Variants in INSL6 observed in about 807,000 individuals in gnomAD.
INSL6 encodes insulin like 6.
Under a neutral mutation model 9.4 loss-of-function variants are expected in INSL6, and 16 were observed. That is an observed-to-expected ratio of 1.70 (90% confidence interval 1.15 to 2.59). The LOEUF (loss-of-function observed/expected upper bound fraction) is 2.59. Ranked by LOEUF, INSL6 falls within the 30% of genes most tolerant of loss-of-function variation. The pLI, the probability that INSL6 is intolerant of heterozygous loss-of-function variation, is 0.00. For missense variants in INSL6, 391 were observed against 257.3 expected (o/e 1.52, Z -3.56); for synonymous variants, 154 against 96.9 (o/e 1.59, Z -3.46).
chr9:5,102,324 G>C, the INSL6 span, among the ~76,000 whole-genome samples: 1 of 152,146 alleles, frequency 6.6e-6, no homozygotes, highest in Non-Finnish European at 1.5e-5. Context: ...AATAAAGCGA[G>C]AGGAGAAGTT....
chr9:5,032,426 C>A, the INSL6 span, among the ~76,000 whole-genome samples: 3 of 152,222 alleles, frequency 2.0e-5, no homozygotes, highest in Non-Finnish European at 2.9e-5. Flanking sequence ...AGCTGGAGAT[C>A]TGAGAACGGA....
chr9:5,153,228 G>A (rs1824746670), intron 2 of INSL6, among the ~76,000 whole-genome samples: 1 of 152,106 alleles, frequency 6.6e-6, no homozygotes, highest in East Asian at 1.9e-4. Flanking sequence ...TGAAGCCAGG[G>A]AGCCAAGTAG....
At chr9:5,101,083 C>T in the INSL6 span, 16 of 152,240 alleles carry the variant, frequency 1.1e-4, no homozygotes, top group African/African-American at 3.6e-4. Flanking sequence ...GGGGCATCAC[C>T]TCACCCAGGA....
chr9:5,080,892 C>CTT, the INSL6 span, among the ~76,000 whole-genome samples: 138 of 95,590 alleles, frequency 1.4e-3, no homozygotes, highest in Non-Finnish European at 2.2e-3. Context: ...AAGACCTTTT[C>CTT]TTTTTTTTTT....
the INSL6 span, among the ~76,000 whole-genome samples, chr9:5,116,201 A>C: frequency 4.6e-5 from 7 of 152,176 alleles, no homozygotes; most frequent in Non-Finnish European, 7.3e-5. Flanking sequence ...GGAGAACTGA[A>C]TAGCTTACCC....
chr9:5,124,586 G>C (rs992310722), intron 3 of INSL6, among the ~76,000 whole-genome samples: 1 of 151,830 alleles, frequency 6.6e-6, no homozygotes, highest in Admixed American at 6.6e-5. Context: ...ACCAAAAAGA[G>C]CCCTAATAGC....
chr9:5,005,083 ATTTTTTTTTTTTTTTTTTTTTTTTTT>A, the INSL6 span, among the ~76,000 whole-genome samples: 64 of 40,032 alleles, frequency 1.6e-3, 1 homozygote, highest in East Asian at 0.013. Flanking sequence ...TGCCTGGCTA[ATTTTTTTTTTTTTTTTTTTTTTTTTT>A]TTTTTTTTTT....
chr9:5,140,572 C>G (rs1439198963), intron 2 of INSL6, among the ~76,000 whole-genome samples: 1 of 152,126 alleles, frequency 6.6e-6, no homozygotes, highest in African/African-American at 2.4e-5. Context: ...TCCCAAAGCA[C>G]TATTATAACC....
chr9:5,158,419 G>GTAA (rs1353560994), intron 2 of INSL6, among the ~76,000 whole-genome samples: 6 of 152,138 alleles, frequency 3.9e-5, no homozygotes, highest in African/African-American at 1.2e-4. Context: ...CTGCCTCATG[G>GTAA]TAATTAATAA....
the INSL6 span, among the ~76,000 whole-genome samples, chr9:5,060,078 T>C: frequency 6.6e-6 from 1 of 152,278 alleles, no homozygotes; most frequent in African/African-American, 2.4e-5. Flanking sequence ...ATAAAAGTTA[T>C]GTTTACACTA....
the INSL6 span, among the ~76,000 whole-genome samples, chr9:5,000,542 T>C: frequency 6.6e-6 from 1 of 152,166 alleles, no homozygotes; most frequent in African/African-American, 2.4e-5. Context: ...CTAGTAACAG[T>C]TATACCAAGT....
intron 1 of INSL6, among the ~76,000 whole-genome samples, chr9:5,178,327 C>G (rs756665504): frequency 2.0e-5 from 3 of 152,146 alleles, no homozygotes; most frequent in Non-Finnish European, 2.9e-5. Context: ...GCCATCTCCA[C>G]GGTTCCCTTT....
chr9:5,114,217 T>C, the INSL6 span: 1 of 513,186 alleles, frequency 1.9e-6, no homozygotes, highest in Non-Finnish European at 3.8e-6. Flanking sequence ...TCCAGCCCCT[T>C]CTACCTGTTC....
intron 3 of INSL6, chr9:5,127,332 T>C (rs568557427): frequency 4.3e-6 from 1 of 232,060 alleles, no homozygotes; most frequent in African/African-American, 2.2e-5. Context: ...AGTACCTTTG[T>C]GTCCTTGTTC....
the INSL6 span, among the ~76,000 whole-genome samples, chr9:5,117,423 G>A: frequency 1.3e-5 from 2 of 152,080 alleles, no homozygotes; most frequent in Admixed American, 6.5e-5. Context: ...TGAAAGTGTG[G>A]GGACTTTAGG....
the INSL6 span, among the ~76,000 whole-genome samples, chr9:5,052,921 T>G: frequency 6.6e-6 from 1 of 152,104 alleles, no homozygotes; most frequent in Non-Finnish European, 1.5e-5. Flanking sequence ...GCTGCTTCCA[T>G]GTTTTGGCTA....
the INSL6 span, chr9:5,085,221 ACAGG>A: frequency 1.5e-6 from 1 of 668,224 alleles, no homozygotes; most frequent in South Asian, 1.4e-5. Context: ...GGAACTGCTG[ACAGG>A]CAAATAGGAC....
chr9:5,144,452 GTGA>G (rs1431310052), intron 2 of INSL6, among the ~76,000 whole-genome samples: 8 of 152,142 alleles, frequency 5.3e-5, no homozygotes, highest in African/African-American at 1.7e-4. Flanking sequence ...ATGCCAAGTG[GTGA>G]TGAGATGAAT....
intron 1 of INSL6, among the ~76,000 whole-genome samples, chr9:5,176,425 TTGTC>T (rs1387480181): frequency 6.6e-6 from 1 of 152,240 alleles, no homozygotes; most frequent in African/African-American, 2.4e-5. Flanking sequence ...CCTTTGATCT[TTGTC>T]TGTTTTGTCC....
Sources: gnomAD v4.1 joint callset for allele counts (sites outside exome capture counted in the v4.1 genomes callset) on GRCh38, gnomAD v4.1.1 for gene constraint, MANE v1.5 for transcripts, NCBI Gene and HGNC (gene_info 2026-07-23, HGNC 2026-07-21) for gene names.